FAM53A: variants seen among roughly 807,000 people sequenced by gnomAD.
The protein encoded by FAM53A is family with sequence similarity 53 member A, also known as protein FAM53A.
In FAM53A, 28 loss-of-function variants were observed where a neutral mutation model predicts 26.6. That is an observed-to-expected ratio of 1.05 (90% CI 0.78 to 1.45). FAM53A has a LOEUF of 1.45. FAM53A is among the 40% of genes most tolerant of loss of function. The pLI is 0.00. For synonymous variants in FAM53A, 290 were observed against 253.1 expected (o/e 1.15, Z -1.38); for missense variants, 650 against 575.8 (o/e 1.13, Z -1.32).
intron 2 of FAM53A, among the ~76,000 whole-genome samples, chr4:1,665,741 C>T (rs1714176069): frequency 6.6e-6 from 1 of 152,110 alleles, no homozygotes; most frequent in South Asian, 2.1e-4. Context: ...GCTCCCAGGG[C>T]TCCTGTCCCA....
At chr4:1,656,619 C>G (rs148618479) in intron 3 of FAM53A, among the ~76,000 whole-genome samples, 3 of 152,118 alleles carry the variant, frequency 2.0e-5, no homozygotes, top group Non-Finnish European at 2.9e-5. Flanking sequence ...ACCCCGTGTG[C>G]AGGATGAACC....
At chr4:1,650,929 A>C (rs1712722087) in intron 4 of FAM53A, among the ~76,000 whole-genome samples, 1 of 151,004 alleles carries the variant, frequency 6.6e-6, no homozygotes, top group Non-Finnish European at 1.5e-5. Flanking sequence ...TGATATCAAG[A>C]TTGAGCTGGC....
chr4:1,629,320 C>T (rs1266890236), intron 1 of FAM53A, among the ~76,000 whole-genome samples: 2 of 152,194 alleles, frequency 1.3e-5, no homozygotes, highest in Non-Finnish European at 2.9e-5. Flanking sequence ...ACCCAGCGGC[C>T]TCCAGGGGAA....
At chr4:1,626,118 A>G (rs897164489) in intron 1 of FAM53A, among the ~76,000 whole-genome samples, 1 of 152,060 alleles carries the variant, frequency 6.6e-6, no homozygotes, top group Non-Finnish European at 1.5e-5. Flanking sequence ...TCCTGTCTCC[A>G]TCTGGCTCCT....
chr4:1,665,145 T>C (rs1223739657), intron 2 of FAM53A, among the ~76,000 whole-genome samples: 2 of 151,428 alleles, frequency 1.3e-5, no homozygotes, highest in Non-Finnish European at 1.5e-5. Flanking sequence ...TGAAACCCCA[T>C]CTCTATTAAA....
chr4:1,604,127 G>C, the FAM53A span, among the ~76,000 whole-genome samples: 1 of 152,208 alleles, frequency 6.6e-6, no homozygotes, highest in Admixed American at 6.5e-5. Flanking sequence ...TAAACATTTG[G>C]GGTGGACAGG....
chr4:1,590,376 G>A, the FAM53A span, among the ~76,000 whole-genome samples: 1 of 152,112 alleles, frequency 6.6e-6, no homozygotes, highest in Non-Finnish European at 1.5e-5. Context: ...ATCTGGACAA[G>A]CTGATAAGAA....
the FAM53A span, among the ~76,000 whole-genome samples, chr4:1,584,920 C>A: frequency 6.6e-6 from 1 of 152,182 alleles, no homozygotes; most frequent in African/African-American, 2.4e-5. Flanking sequence ...CAGACTTCAC[C>A]TTTCAGTGGG....
At chr4:1,670,344 C>T (rs2109010162) in intron 1 of FAM53A, among the ~76,000 whole-genome samples, 1 of 152,392 alleles carries the variant, frequency 6.6e-6, no homozygotes, top group African/African-American at 2.4e-5. Context: ...AGGGCCAGGG[C>T]AAAGGCGCCA....
Position 1,630,127 on chromosome 4 carries a change from G to T in FAM53A, c.432-12016C>A, listed in dbSNP as rs1441911797. Among the ~76,000 whole-genome samples, 1 of 152,198 alleles carries T rather than the reference G, an allele frequency of 6.6e-6. No individual in the cohort carries two copies. The highest frequency in any genetic ancestry group is 1.5e-5 in the Non-Finnish European group (1 of 68,024). ...CCTGCCAGGTGTGGTGAGGGTATGA[G>T]TCCTGGACAAGGGGACCAACTCCTC... On this transcript the variant is annotated intron_variant, in intron 1 of 1. Transcript: ENST00000489029. The surrounding 1 kb of genome is among the most constrained non-coding windows in gnomAD (Gnocchi z 4.3).
At chr4:1,652,138 CCA>C (rs200497763) in intron 4 of FAM53A, among the ~76,000 whole-genome samples, 9,972 of 135,736 alleles carry the variant, frequency 0.073, 1,331 homozygotes, top group African/African-American at 0.25. Context: ...ACCTCATACA[CCA>C]CACACACCAC....
the FAM53A span, among the ~76,000 whole-genome samples, chr4:1,589,091 A>G: frequency 6.6e-6 from 1 of 152,210 alleles, no homozygotes; most frequent in Non-Finnish European, 1.5e-5. Flanking sequence ...AAGTTTTTCT[A>G]ATAAATAGTG....
chr4:1,587,677 T>TA, the FAM53A span, among the ~76,000 whole-genome samples: 11 of 151,930 alleles, frequency 7.2e-5, no homozygotes, highest in Non-Finnish European at 1.2e-4. Flanking sequence ...GCCTCGAAAA[T>TA]AAAAAAACCT....
chr4:1,652,155 C>A (rs539465760), intron 4 of FAM53A, among the ~76,000 whole-genome samples: 6 of 129,950 alleles, frequency 4.6e-5, no homozygotes, highest in African/African-American at 1.2e-4. Flanking sequence ...CACCACACGT[C>A]ACACACACAC....
Position 1,655,235 on chromosome 4 carries a change from A to G in FAM53A, c.625T>C (p.Cys209Arg). The G allele has an allele frequency of 6.6e-7, 1 of 1,526,278 alleles. No individual in the cohort carries two copies. Among genetic ancestry groups the G allele is most frequent in the Non-Finnish European group, 8.7e-7 (1 of 1,147,188 alleles). The allele number at this position is 1,526,278 out of a possible 1,614,324, so 94.5% of individuals were successfully genotyped here. A position where few individuals can be genotyped will look rare whatever the true frequency, so the allele number is the denominator to read the frequency against. The change falls in exon 4 of 5, where the codon TGT becomes CGT. Residue 209 changes from cysteine to arginine, a missense_variant. Physicochemically the swap from Cys to Arg is radical, Grantham distance 180. Coordinates refer to ENST00000308132, the MANE Select transcript of FAM53A (RefSeq NM_001174070.3). ...GAGGGCAAGCAGGACTCCGCGGAAC[A>G]CCAGAGCGGGCCTGAGCCCGCACTG... ...EGSAGSGPLW[C>R]SAESCLPSTR...
chr4:1,592,459 G>A, the FAM53A span, among the ~76,000 whole-genome samples: 1 of 152,248 alleles, frequency 6.6e-6, no homozygotes, highest in Non-Finnish European at 1.5e-5. Context: ...AAGGCCGAGG[G>A]GGCCAGGGGG....
chr4:1,606,199 T>C, the FAM53A span, among the ~76,000 whole-genome samples: 2 of 151,598 alleles, frequency 1.3e-5, no homozygotes, highest in Non-Finnish European at 2.9e-5. Context: ...CCACCACACC[T>C]GGATAATTTT....
the FAM53A span, among the ~76,000 whole-genome samples, chr4:1,586,319 G>A: frequency 1.3e-5 from 2 of 151,608 alleles, no homozygotes. Context: ...TCAGCCTCCC[G>A]AGTATCTAGG....
intron 1 of FAM53A, among the ~76,000 whole-genome samples, chr4:1,679,344 C>A: frequency 6.8e-6 from 1 of 146,550 alleles, no homozygotes; most frequent in African/African-American, 2.5e-5. Context: ...CAAGATCATG[C>A]CACTGCACTC....
Sources: allele counts gnomAD v4.1 joint callset (sites outside exome capture counted in the v4.1 genomes callset), GRCh38; gene constraint gnomAD v4.1.1; non-coding constraint Gnocchi (gnomAD v3.1); transcripts MANE v1.5; gene names NCBI Gene and HGNC (gene_info 2026-07-23, HGNC 2026-07-21).